The following SHQ1 variants were observed in gnomAD, a reference collection of about 807,000 sequenced individuals.
SHQ1 encodes the protein SHQ1, H/ACA ribonucleoprotein assembly factor.
In SHQ1, 49 loss-of-function variants were observed where a neutral mutation model predicts 53.8. The observed-to-expected ratio is 0.91, with a 90% CI of 0.72 to 1.16. The LOEUF is 1.16. Among genes scored for constraint, SHQ1 ranks in the 50% most tolerant of loss-of-function variants. The pLI is 0.00. For missense variants in SHQ1, 738 were observed against 683.1 expected (o/e 1.08, Z -0.90); for synonymous variants, 243 against 251.0 (o/e 0.97, Z 0.30).
At chr3:72,788,579 T>C (rs561695509) in intron 10 of SHQ1, among the ~76,000 whole-genome samples, 2 of 152,280 alleles carry the variant, frequency 1.3e-5, no homozygotes, top group South Asian at 4.1e-4. Flanking sequence ...CTGGGAGGTG[T>C]ACCCAATAGC....
chr3:72,777,388 TAGAC>T (rs1553690405), intron 10 of SHQ1, among the ~76,000 whole-genome samples: 1 of 152,130 alleles, frequency 6.6e-6, no homozygotes, highest in Non-Finnish European at 1.5e-5. Flanking sequence ...GGGGATACAA[TAGAC>T]AGACATTTCA....
intron 2 of SHQ1, among the ~76,000 whole-genome samples, chr3:72,843,207 T>A (rs1169824854): frequency 6.6e-6 from 1 of 152,000 alleles, no homozygotes; most frequent in Non-Finnish European, 1.5e-5. Flanking sequence ...CCTAAGAAGG[T>A]AATAGCTTAG....
intron 4 of SHQ1, among the ~76,000 whole-genome samples, chr3:72,838,733 C>T (rs564890049): frequency 5.2e-4 from 79 of 152,070 alleles, no homozygotes; most frequent in African/African-American, 1.4e-3. Context: ...ACTCCTGACC[C>T]GCCTGCCTCA....
intron 10 of SHQ1, among the ~76,000 whole-genome samples, chr3:72,788,732 A>C (rs1476501272): frequency 6.6e-6 from 1 of 152,228 alleles, no homozygotes; most frequent in Non-Finnish European, 1.5e-5. Flanking sequence ...GTTCTGTACT[A>C]AGAAAAATTC....
the SHQ1 span, among the ~76,000 whole-genome samples, chr3:72,738,743 T>G: frequency 1.3e-5 from 2 of 152,206 alleles, no homozygotes; most frequent in African/African-American, 4.8e-5. Flanking sequence ...CTTCTTACAA[T>G]TCTTAAACAG....
intron 10 of SHQ1, 126 bp from the exon 11 acceptor site, chr3:72,750,962 A>G (rs1007466773): frequency 3.0e-6 from 2 of 664,846 alleles, no homozygotes; most frequent in African/African-American, 1.8e-5. Context: ...GATATATATC[A>G]TAACAGATCC....
intron 10 of SHQ1, among the ~76,000 whole-genome samples, chr3:72,780,171 C>A (rs1706042717): frequency 6.6e-6 from 1 of 152,330 alleles, no homozygotes; most frequent in Middle Eastern, 3.4e-3. Context: ...CCATGGATCA[C>A]AATAAAGCTT....
chr3:72,778,708 A>G (rs1706011359), intron 10 of SHQ1, among the ~76,000 whole-genome samples: 1 of 152,228 alleles, frequency 6.6e-6, no homozygotes, highest in Non-Finnish European at 1.5e-5. Flanking sequence ...ATTAAATAAT[A>G]AAGGCAACAA....
Position 72,848,316 on chromosome 3 carries a change from T to C in SHQ1, c.25A>G (p.Ser9Gly), listed in dbSNP as rs79534835. The C allele has an allele frequency of 4.8e-3, 7,816 of 1,614,016 alleles. 353 individuals carry two copies. In the African/African-American group the frequency reaches 0.094, roughly 19 times the overall value. ...ATAGTCAGGAAGTCCGGATCCTGGC[T>C]GAGGTCGAACGCCGGGGTCAGCATC... is the stretch of plus-strand genomic sequence containing the variant. The part of the protein sequence containing the change: MLTPAFDL[S>G]QDPDFLTIAI... The change falls in exon 1 of 11, where the codon AGC becomes GGC. Residue 9 changes from serine (S) to glycine (G), a missense_variant. Ser to Gly is a moderately conservative substitution (Grantham distance 56, BLOSUM62 0). Transcript: ENST00000325599.
intron 10 of SHQ1, among the ~76,000 whole-genome samples, chr3:72,784,849 TGGTA>T (rs1280765201): frequency 6.6e-6 from 1 of 151,890 alleles, no homozygotes; most frequent in East Asian, 1.9e-4. Context: ...ACTTGGGGGG[TGGTA>T]GGTGTCATGG....
the SHQ1 span, among the ~76,000 whole-genome samples, chr3:72,738,073 T>C: frequency 6.6e-6 from 1 of 152,018 alleles, no homozygotes; most frequent in Non-Finnish European, 1.5e-5. Flanking sequence ...CCACCACATC[T>C]CTCCACCTGA....
At position 72,750,192 on chromosome 3, in the gene SHQ1, G is replaced by C. The variant is rs1315607586; in HGVS notation, c.*92C>G. 1.6e-5 allele frequency: 19 copies of C among 1,164,334 alleles called. No homozygotes were observed. The highest frequency in any genetic ancestry group is 2.3e-5 in the Non-Finnish European group (19 of 818,308). The allele number at this position is 1,164,334 out of a possible 1,614,324, so 72.1% of individuals were successfully genotyped here. A position where few individuals can be genotyped will look rare whatever the true frequency, so the allele number is the denominator to read the frequency against. ...ATACAGTGGGCTGACTATATACTAA[G>C]AAAAATTACAAAGTGAAAATGAAGA... On this transcript the variant is annotated 3_prime_UTR_variant, in exon 11 of 11. Coordinates refer to ENST00000325599, the MANE Select transcript of SHQ1 (RefSeq NM_018130.3).
chr3:72,756,824 T>A (rs894301550), intron 10 of SHQ1, among the ~76,000 whole-genome samples: 1 of 152,240 alleles, frequency 6.6e-6, no homozygotes, highest in Non-Finnish European at 1.5e-5. Flanking sequence ...GAATTTCTCT[T>A]TAAAGACTGC....
At chr3:72,832,540 T>A in intron 4 of SHQ1, 59 bp from the exon 5 acceptor site, 3 of 1,198,212 alleles carry the variant, frequency 2.5e-6, no homozygotes, top group Admixed American at 4.2e-5. Context: ...CATTTAAAAC[T>A]CAAATTTTAT....
chr3:72,820,805 G>A (rs1048724773), intron 6 of SHQ1, among the ~76,000 whole-genome samples: 3 of 152,160 alleles, frequency 2.0e-5, no homozygotes, highest in Non-Finnish European at 2.9e-5. Flanking sequence ...CAATACATTT[G>A]AGGAGGAAAC....
chr3:72,759,081 G>T (rs1705558785), intron 10 of SHQ1, among the ~76,000 whole-genome samples: 1 of 152,192 alleles, frequency 6.6e-6, no homozygotes, highest in African/African-American at 2.4e-5. Flanking sequence ...CACTCTGTTT[G>T]TGTCTTAGTG....
chr3:72,796,970 A>T (rs1706644483), intron 9 of SHQ1, among the ~76,000 whole-genome samples: 1 of 151,616 alleles, frequency 6.6e-6, no homozygotes, highest in East Asian at 1.9e-4. Context: ...CATTTAAAAA[A>T]TGCTGGGCCA....
chr3:72,827,913 C>T (rs901192619), intron 5 of SHQ1, among the ~76,000 whole-genome samples: 1 of 151,972 alleles, frequency 6.6e-6, no homozygotes, highest in African/African-American at 2.4e-5. Flanking sequence ...CGCCACCATG[C>T]CCAGCTAATT....
intron 1 of SHQ1, chr3:72,846,128 T>C (rs1365040909): frequency 1.8e-5 from 24 of 1,300,178 alleles, no homozygotes; most frequent in Non-Finnish European, 2.3e-5. Context: ...ATTCAGAAAA[T>C]GTGAGCTATT....
Sources: gnomAD v4.1 joint callset for allele counts (sites outside exome capture counted in the v4.1 genomes callset) on GRCh38, gnomAD v4.1.1 for gene constraint, MANE v1.5 for transcripts, NCBI Gene and HGNC (gene_info 2026-07-23, HGNC 2026-07-21) for gene names.